The following SNAP25 variants were observed in gnomAD, a reference collection of about 807,000 sequenced individuals.
SNAP25 encodes the protein synaptosome associated protein 25, also known as synaptosomal-associated protein 25.
SNAP25 carries 3 observed loss-of-function variants against 28.7 expected under a neutral mutation model. The observed-to-expected ratio is 0.10, with a 90% confidence interval of 0.05 to 0.27. The LOEUF (loss-of-function observed/expected upper bound fraction) is 0.27. SNAP25 is among the 10% of genes least tolerant of loss of function. The pLI is 1.00. For missense variants in SNAP25, 117 were observed against 278.7 expected (o/e 0.42, Z 4.13); for synonymous variants, 61 against 88.1 (o/e 0.69, Z 1.72).
intron 1 of SNAP25, among the ~76,000 whole-genome samples, chr20:10,246,196 G>A (rs2063124314): frequency 6.6e-6 from 1 of 152,218 alleles, no homozygotes; most frequent in Non-Finnish European, 1.5e-5. Flanking sequence ...CAAAGACAGG[G>A]TCTCACACTG....
chr20:10,300,631 A>C (rs1344388489), intron 7 of SNAP25, among the ~76,000 whole-genome samples: 1 of 152,210 alleles, frequency 6.6e-6, no homozygotes, highest in East Asian at 1.9e-4. Context: ...GACTTGAAAA[A>C]GGAGTAAGTA....
intron 3 of SNAP25, among the ~76,000 whole-genome samples, chr20:10,282,779 C>T (rs1025213664): frequency 6.6e-6 from 1 of 152,080 alleles, no homozygotes; most frequent in East Asian, 1.9e-4. Context: ...TCCCTATGCC[C>T]GAATAGCCAT....
intron 1 of SNAP25, among the ~76,000 whole-genome samples, chr20:10,233,840 T>C (rs577937684): frequency 6.6e-6 from 1 of 152,352 alleles, no homozygotes; most frequent in African/African-American, 2.4e-5. Flanking sequence ...TTTGTTTGCC[T>C]GCGTGTAGCT....
intron 6 of SNAP25, 142 bp downstream of exon 6, chr20:10,297,192 C>T (rs544645998): frequency 3.8e-5 from 44 of 1,153,680 alleles, no homozygotes; most frequent in Middle Eastern, 4.2e-4. Flanking sequence ...TAAGCCTTTC[C>T]TGGACCTTGC....
chr20:10,281,495 T>C (rs1484349957), intron 3 of SNAP25, among the ~76,000 whole-genome samples: 1 of 152,186 alleles, frequency 6.6e-6, no homozygotes, highest in Admixed American at 6.5e-5. Flanking sequence ...AAATGTACAT[T>C]ACCTAATTTA....
At chr20:10,254,758 C>G (rs145969059) in intron 1 of SNAP25, among the ~76,000 whole-genome samples, 495 of 152,298 alleles carry the variant, frequency 3.3e-3, no homozygotes, top group African/African-American at 0.011. Context: ...AAGGAAAAAA[C>G]AGTTCCCCCA....
At chr20:10,306,051 G>A in intron 7 of SNAP25, 78 bp from the exon 8 acceptor site, 2 of 1,355,736 alleles carry the variant, frequency 1.5e-6, no homozygotes, top group Non-Finnish European at 2.1e-6. Flanking sequence ...CCAAGAGGAA[G>A]CATTGGACCC....
intron 1 of SNAP25, among the ~76,000 whole-genome samples, chr20:10,221,843 A>T (rs1169069835): frequency 6.6e-6 from 1 of 152,284 alleles, no homozygotes; most frequent in Admixed American, 6.5e-5. Flanking sequence ...AGCCTTCAGC[A>T]TAACACGTAG....
chr20:10,223,104 G>A (rs945867807), intron 1 of SNAP25, among the ~76,000 whole-genome samples: 8 of 152,162 alleles, frequency 5.3e-5, no homozygotes, highest in Non-Finnish European at 1.0e-4. Context: ...ATGACATATA[G>A]GACCAGCCCC....
intron 1 of SNAP25, among the ~76,000 whole-genome samples, chr20:10,234,680 C>G (rs2062885900): frequency 6.6e-6 from 1 of 152,152 alleles, no homozygotes; most frequent in Non-Finnish European, 1.5e-5. Flanking sequence ...ACAACTCTTT[C>G]CTATGAATGT....
At chr20:10,281,261 A>G (rs930780272) in intron 3 of SNAP25, among the ~76,000 whole-genome samples, 1 of 152,160 alleles carries the variant, frequency 6.6e-6, no homozygotes, top group African/African-American at 2.4e-5. Context: ...TAGCTACTAA[A>G]ACATAATACT....
chr20:10,277,613 T>C (rs2123018483), intron 2 of SNAP25, 72 bp from the exon 3 acceptor site: 1 of 1,295,336 alleles, frequency 7.7e-7, no homozygotes, highest in East Asian at 2.4e-5. Flanking sequence ...GTAAATAAAG[T>C]ATTTCTGATT....
At chr20:10,243,097 A>C (rs767678855) in intron 1 of SNAP25, among the ~76,000 whole-genome samples, 2 of 152,188 alleles carry the variant, frequency 1.3e-5, no homozygotes, top group Non-Finnish European at 2.9e-5. Context: ...AGCTCTTTAG[A>C]ATGTAGATCA....
chr20:10,252,162 T>C (rs1005305109), intron 1 of SNAP25, among the ~76,000 whole-genome samples: 4 of 152,232 alleles, frequency 2.6e-5, no homozygotes, highest in Non-Finnish European at 5.9e-5. Flanking sequence ...CAATGCATAA[T>C]TTCCAGAGTT....
intron 4 of SNAP25, among the ~76,000 whole-genome samples, chr20:10,288,772 C>T (rs1055330333): frequency 9.3e-5 from 14 of 150,968 alleles, no homozygotes; most frequent in African/African-American, 3.2e-4. Flanking sequence ...GGTTTCTGGC[C>T]GGTCTTAAAT....
intron 1 of SNAP25, among the ~76,000 whole-genome samples, chr20:10,263,621 T>C (rs1449950978): frequency 6.6e-6 from 1 of 152,166 alleles, no homozygotes; most frequent in Non-Finnish European, 1.5e-5. Context: ...TTTCTTTTAT[T>C]GTGGCCAAGT....
At chr20:10,221,042 T>C (rs2122586972) in intron 1 of SNAP25, among the ~76,000 whole-genome samples, 1 of 152,368 alleles carries the variant, frequency 6.6e-6, no homozygotes, top group East Asian at 1.9e-4. Context: ...TTTATAACTT[T>C]GCAATCTGCA....
chr20:10,232,396 G>A lies in SNAP25; in HGVS notation c.-64+13419G>A, dbSNP rs953674811. Among the ~76,000 whole-genome samples, 4 of 152,202 alleles carry A rather than the reference G, an allele frequency of 2.6e-5. No homozygotes were observed. The East Asian group carries it at 7.7e-4, about 29-fold the overall frequency. The stretch of plus-strand genomic sequence containing the variant: ...ACAGTTCAGTTGGGAAGAACCAGTT[G>A]CAAAGCAGACACAGTAAGCCATCTT... On this transcript the variant is annotated intron_variant, in intron 1 of 7. Coordinates refer to ENST00000254976, the MANE Select transcript of SNAP25 (RefSeq NM_130811.4).
chr20:10,260,029 G>A (rs1012419930), intron 1 of SNAP25, among the ~76,000 whole-genome samples: 1 of 152,128 alleles, frequency 6.6e-6, no homozygotes, highest in African/African-American at 2.4e-5. Flanking sequence ...CTGAAATAGG[G>A]AACTCACTTT....
Sources: gnomAD v4.1 joint callset for allele counts (sites outside exome capture counted in the v4.1 genomes callset) on GRCh38, gnomAD v4.1.1 for gene constraint, MANE v1.5 for transcripts, NCBI Gene and HGNC (gene_info 2026-07-23, HGNC 2026-07-21) for gene names.